ARHGAP31: variants seen among roughly 807,000 people sequenced by gnomAD.
ARHGAP31 encodes the protein Rho GTPase activating protein 31.
Under a neutral mutation model 113.9 loss-of-function variants are expected in ARHGAP31, and 34 were observed. The ratio of observed to expected loss-of-function variants is 0.30; its 90% CI spans 0.23 to 0.40. The LOEUF is 0.40. ARHGAP31 is among the 10% of genes least tolerant of loss of function. ARHGAP31 has a pLI of 1.00. For missense variants in ARHGAP31, 1,548 were observed against 1,767.1 expected (o/e 0.88, Z 2.22); for synonymous variants, 650 against 684.8 (o/e 0.95, Z 0.79).
chr3:119,337,078 C>G (rs2079958532), intron 1 of ARHGAP31, among the ~76,000 whole-genome samples: 2 of 152,204 alleles, frequency 1.3e-5, no homozygotes, highest in South Asian at 4.1e-4. Context: ...ATTGTTTCCA[C>G]TTTTTGGCTG....
chr3:119,416,397 C>G lies in ARHGAP31; in HGVS notation c.*133C>G. The G allele has an allele frequency of 2.3e-6, 3 of 1,278,092 alleles. No individual in the cohort carries two copies. Among genetic ancestry groups the G allele is most frequent in the Non-Finnish European group, 3.3e-6 (3 of 906,418 alleles). The allele number at this position is 1,278,092 out of a possible 1,614,324, so 79.2% of individuals were successfully genotyped here. ...TGGCCTCTGACTTCTCTTTCTTCAGCCTTTTGACCACTTATTAATTAGTCC... is the reference window on the plus strand; with the variant it reads ...TGGCCTCTGACTTCTCTTTCTTCAGGCTTTTGACCACTTATTAATTAGTCC... On this transcript the variant is annotated 3_prime_UTR_variant, in exon 12 of 12. Transcript: ENST00000264245.
intron 10 of ARHGAP31, among the ~76,000 whole-genome samples, chr3:119,406,842 T>C (rs1262213710): frequency 6.6e-6 from 1 of 152,184 alleles, no homozygotes; most frequent in Non-Finnish European, 1.5e-5. Flanking sequence ...TAAGACACAT[T>C]CTACATAGTG....
At chr3:119,413,737 C>A in intron 11 of ARHGAP31, 119 bp from the exon 12 acceptor site, 1 of 1,377,046 alleles carries the variant, frequency 7.3e-7, no homozygotes, top group Non-Finnish European at 1.0e-6. Context: ...GTGCTGCATC[C>A]TGTATTTGCT....
At chr3:119,395,866 C>T (rs540628410) in intron 8 of ARHGAP31, among the ~76,000 whole-genome samples, 24 of 152,116 alleles carry the variant, frequency 1.6e-4, no homozygotes, top group Non-Finnish European at 2.8e-4. Flanking sequence ...GAAAGATAGC[C>T]TGAATGAAGA....
chr3:119,393,226 C>G (rs953845646), intron 7 of ARHGAP31, among the ~76,000 whole-genome samples: 1 of 152,176 alleles, frequency 6.6e-6, no homozygotes, highest in African/African-American at 2.4e-5. Flanking sequence ...TTTAATAGCA[C>G]ACCTTTACCT....
chr3:119,294,745 G>C lies in ARHGAP31; in HGVS notation c.-160G>C. The C allele has an allele frequency of 1.4e-6, 1 of 697,708 alleles. No individual in the cohort carries two copies. The highest frequency in any genetic ancestry group is 1.8e-5 in the African/African-American group (1 of 56,494). 43.2% of individuals were successfully genotyped at this position (697,708 alleles called of 1,614,324 possible). A position where few individuals can be genotyped will look rare whatever the true frequency, so the allele number is the denominator to read the frequency against. ...CAGGCTCTGCCGGCCCGCGGCCCGCGGGGTCCATGCGCAGGGCCCCCAGCC... is the reference window on the plus strand; with the variant it reads ...CAGGCTCTGCCGGCCCGCGGCCCGCCGGGTCCATGCGCAGGGCCCCCAGCC... On this transcript the variant is annotated 5_prime_UTR_variant, in exon 1 of 12. Transcript: ENST00000264245.
chr3:119,332,633 T>TCACA (rs1430812568), intron 1 of ARHGAP31, among the ~76,000 whole-genome samples: 181 of 61,532 alleles, frequency 2.9e-3, no homozygotes, highest in Non-Finnish European at 4.7e-3. Flanking sequence ...TCTCTCTCTC[T>TCACA]CTCACACACA....
intron 3 of ARHGAP31, among the ~76,000 whole-genome samples, chr3:119,376,258 G>A (rs759997748): frequency 1.3e-5 from 2 of 152,222 alleles, no homozygotes; most frequent in African/African-American, 2.4e-5. Flanking sequence ...GGAGGCTGAG[G>A]TGGGCGGATC....
intron 1 of ARHGAP31, among the ~76,000 whole-genome samples, chr3:119,333,817 CATT>C (rs1433180366): frequency 1.3e-5 from 2 of 152,208 alleles, no homozygotes; most frequent in Non-Finnish European, 2.9e-5. Context: ...TATTACACCT[CATT>C]ATGAGAAGTG....
At chr3:119,298,672 AG>A (rs1287116000) in intron 1 of ARHGAP31, 3 of 152,744 alleles carry the variant, frequency 2.0e-5, no homozygotes, top group African/African-American at 7.2e-5. Flanking sequence ...AAGCTGACAA[AG>A]AAAAGAAGGG....
chr3:119,381,715 T>C (rs1015733125), intron 4 of ARHGAP31, among the ~76,000 whole-genome samples: 8 of 152,078 alleles, frequency 5.3e-5, no homozygotes, highest in African/African-American at 7.2e-5. Context: ...GCGGCCTGTG[T>C]GGTGGCTCAT....
At chr3:119,362,365 C>G (rs887130923) in intron 1 of ARHGAP31, among the ~76,000 whole-genome samples, 1 of 152,330 alleles carries the variant, frequency 6.6e-6, no homozygotes, top group East Asian at 1.9e-4. Context: ...ATCCTACTGC[C>G]TTTGTGCTGC....
At chr3:119,345,873 A>T (rs965329944) in intron 1 of ARHGAP31, among the ~76,000 whole-genome samples, 2 of 152,180 alleles carry the variant, frequency 1.3e-5, no homozygotes, top group Non-Finnish European at 2.9e-5. Context: ...GGTGACACCT[A>T]TTCTAGAAAC....
intron 8 of ARHGAP31, among the ~76,000 whole-genome samples, chr3:119,394,010 A>G (rs377099829): frequency 6.6e-6 from 1 of 152,284 alleles, no homozygotes; most frequent in East Asian, 1.9e-4. Context: ...CAATTCCTCC[A>G]TCTTTTTGAC....
chr3:119,335,971 G>A (rs539435606), intron 1 of ARHGAP31, among the ~76,000 whole-genome samples: 1 of 152,084 alleles, frequency 6.6e-6, no homozygotes, highest in African/African-American at 2.4e-5. Flanking sequence ...TCAGGAGGTC[G>A]AGACCAGCCT....
At position 119,367,856 on chromosome 3, in the gene ARHGAP31, C is replaced by CA. The variant is rs1398233400; in HGVS notation, c.204-508dup. 8.5e-3 allele frequency among the ~76,000 whole-genome samples: 941 copies of CA among 111,206 alleles called. 14 individuals are homozygous for CA. Among genetic ancestry groups the CA allele is most frequent in the African/African-American group, 0.026 (738 of 27,956 alleles). 73.0% of individuals were successfully genotyped at this position (111,206 alleles called of 152,430 possible). A position where few individuals can be genotyped will look rare whatever the true frequency, so the allele number is the denominator to read the frequency against. Reference sequence around the variant, plus strand: ...TGGGTGACAGAGCGAGACTCCATCTCAAAAAAAAGAAAAAAAAAAAAAAAG... The same window carrying CA: ...TGGGTGACAGAGCGAGACTCCATCTCAAAAAAAAAGAAAAAAAAAAAAAAAG... On this transcript the variant is annotated intron_variant, in intron 2 of 11. Coordinates refer to ENST00000264245, the MANE Select transcript of ARHGAP31 (RefSeq NM_020754.4).
intron 6 of ARHGAP31, among the ~76,000 whole-genome samples, chr3:119,384,633 A>G (rs900469863): frequency 1.3e-5 from 2 of 152,102 alleles, no homozygotes; most frequent in Admixed American, 1.3e-4. Flanking sequence ...TACAATAATG[A>G]ACTCACTCCT....
chr3:119,410,822 T>C (rs187578961), intron 11 of ARHGAP31, among the ~76,000 whole-genome samples: 23 of 152,314 alleles, frequency 1.5e-4, no homozygotes, highest in Non-Finnish European at 3.1e-4. Context: ...ATCCCTGCCT[T>C]CTTGGAGCTA....
intron 1 of ARHGAP31, among the ~76,000 whole-genome samples, chr3:119,339,102 C>A (rs1174118394): frequency 2.0e-5 from 3 of 152,160 alleles, no homozygotes; most frequent in African/African-American, 4.8e-5. Flanking sequence ...GAGTAGGAAG[C>A]AATTTGAGAT....
Sources: allele counts gnomAD v4.1 joint callset (sites outside exome capture counted in the v4.1 genomes callset), GRCh38; gene constraint gnomAD v4.1.1; transcripts MANE v1.5; gene names NCBI Gene and HGNC (gene_info 2026-07-23, HGNC 2026-07-21).